ARHGAP20: variants seen among roughly 807,000 people sequenced by gnomAD.
The protein encoded by ARHGAP20 is rho GTPase-activating protein 20.
Under a neutral mutation model 73.7 loss-of-function variants are expected in ARHGAP20, and 34 were observed. The observed-to-expected ratio is 0.46, with a 90% CI of 0.35 to 0.61. The LOEUF is 0.61. Among genes scored for constraint, ARHGAP20 ranks in the 20% least tolerant of loss-of-function variants. The probability of loss-of-function intolerance (pLI) is 0.00; values close to 1 mark genes in which losing one functional copy is unlikely to be tolerated. For synonymous variants in ARHGAP20, 523 were observed against 518.2 expected, an observed-to-expected ratio of 1.01 and a Z score of -0.13; for missense variants, 1,314 against 1,420.9, an observed-to-expected ratio of 0.92 and a Z score of 1.21.
intron 1 of ARHGAP20, among the ~76,000 whole-genome samples, chr11:110,706,560 T>C (rs746940512): frequency 6.6e-6 from 1 of 152,186 alleles, no homozygotes; most frequent in African/African-American, 2.4e-5. Flanking sequence ...TGATGTTACA[T>C]TTTTTAAACT....
intron 2 of ARHGAP20, among the ~76,000 whole-genome samples, chr11:110,660,069 A>AAAAAAAAAAAC (rs1555097624): frequency 2.1e-4 from 31 of 146,972 alleles, no homozygotes; most frequent in African/African-American, 7.1e-4. Context: ...AACAAAAAAA[A>AAAAAAAAAAAC]AAAAAAAAAG....
At chr11:110,647,432 G>C (rs1376764244) in intron 2 of ARHGAP20, among the ~76,000 whole-genome samples, 2 of 152,016 alleles carry the variant, frequency 1.3e-5, no homozygotes, top group Non-Finnish European at 2.9e-5. Context: ...AGATAGGACA[G>C]ACAAGGGTTT....
At position 110,583,599 on chromosome 11, in the gene ARHGAP20, A is replaced by C; in HGVS notation, c.1554T>G (p.Leu518=). ...NLAVCVAPSI[L]WPPASSSPEL... ...CTGGGCTGGAGGAAGCAGGAGGCCA[A>C]AGAATACTTGGAGCGACACACACAG... Residue 518 remains leucine, a synonymous_variant, in exon 13 of 15, where the codon CTT becomes CTG. Transcript: ENST00000683387. The C allele has an allele frequency of 6.2e-7, 1 of 1,612,336 alleles. No homozygotes were observed. Among genetic ancestry groups the C allele is most frequent in the Non-Finnish European group, 8.5e-7 (1 of 1,178,886 alleles).
chr11:110,638,850 C>T (rs1949022327), intron 2 of ARHGAP20, among the ~76,000 whole-genome samples: 3 of 150,394 alleles, frequency 2.0e-5, no homozygotes, highest in South Asian at 4.3e-4. Context: ...GGGACTGTTG[C>T]GGGGTGGGAG....
At chr11:110,711,928 G>A in intron 1 of ARHGAP20, 199 bp downstream of exon 1, 9 of 1,254,646 alleles carry the variant, frequency 7.2e-6, no homozygotes, top group Non-Finnish European at 9.0e-6. Context: ...AGAAGCGGGC[G>A]CTCTGCGGGA....
Position 110,579,673 on chromosome 11 carries a change from T to C in ARHGAP20, c.3273A>G (p.Lys1091=). The change falls in exon 15 of 15, where the codon AAA becomes AAG. Residue 1091 remains lysine (K), a synonymous_variant. Coordinates refer to ENST00000683387, the MANE Select transcript of ARHGAP20 (RefSeq NM_001384657.1). Reference sequence around the variant, plus strand: ...CTTCAGCTGCCCTTAAGGGCAAGTCTTTTTGTTCCTCTTGCAGTGAGTTGG... The same window carrying C: ...CTTCAGCTGCCCTTAAGGGCAAGTCCTTTTGTTCCTCTTGCAGTGAGTTGG... ...PEANSLQEEQ[K]DLPLRAAEGL... The C allele has an allele frequency of 1.2e-6, 2 of 1,614,232 alleles. No individual in the cohort carries two copies. Among genetic ancestry groups the C allele is most frequent in the Non-Finnish European group, 1.7e-6 (2 of 1,180,042 alleles).
At chr11:110,643,373 G>C (rs117663766) in intron 2 of ARHGAP20, among the ~76,000 whole-genome samples, 3,036 of 151,980 alleles carry the variant, frequency 0.02, 35 homozygotes, top group Non-Finnish European at 0.025. Flanking sequence ...TTGTTAATTT[G>C]AGCTCTTCCT....
intron 2 of ARHGAP20, among the ~76,000 whole-genome samples, chr11:110,645,867 C>T (rs1949180690): frequency 6.6e-6 from 1 of 152,110 alleles, no homozygotes; most frequent in Non-Finnish European, 1.5e-5. Flanking sequence ...AACACAGAAA[C>T]TGAAAACCAA....
At chr11:110,708,326 A>C (rs1950586227) in intron 1 of ARHGAP20, among the ~76,000 whole-genome samples, 1 of 152,180 alleles carries the variant, frequency 6.6e-6, no homozygotes, top group African/African-American at 2.4e-5. Context: ...CTTCGGAAAA[A>C]ACAATGGACA....
At chr11:110,653,807 A>G (rs1949409907) in intron 2 of ARHGAP20, among the ~76,000 whole-genome samples, 1 of 152,200 alleles carries the variant, frequency 6.6e-6, no homozygotes, top group South Asian at 2.1e-4. Flanking sequence ...AAAGACATGG[A>G]ATCAACTCAA....
intron 1 of ARHGAP20, among the ~76,000 whole-genome samples, chr11:110,695,567 G>A (rs2135128036): frequency 6.6e-6 from 1 of 151,662 alleles, no homozygotes; most frequent in South Asian, 2.1e-4. Flanking sequence ...TGCCAATAAG[G>A]ATATGAGAAA....
intron 1 of ARHGAP20, among the ~76,000 whole-genome samples, chr11:110,695,555 A>C (rs1204812099): frequency 6.6e-6 from 1 of 151,722 alleles, no homozygotes; most frequent in African/African-American, 2.4e-5. Flanking sequence ...AGATATACGA[A>C]TTGCCAATAA....
At chr11:110,655,713 T>A (rs938265161) in intron 2 of ARHGAP20, among the ~76,000 whole-genome samples, 18 of 152,154 alleles carry the variant, frequency 1.2e-4, no homozygotes, top group South Asian at 2.1e-4. Context: ...TATCTATCTC[T>A]GATCTCTCAC....
At chr11:110,654,192 T>C (rs904718577) in intron 2 of ARHGAP20, among the ~76,000 whole-genome samples, 17 of 152,074 alleles carry the variant, frequency 1.1e-4, no homozygotes, top group Non-Finnish European at 1.9e-4. Flanking sequence ...GCACATGTAC[T>C]CTGGAACTTA....
At chr11:110,687,087 G>GACACACACAC (rs71057024) in intron 2 of ARHGAP20, among the ~76,000 whole-genome samples, 7,410 of 135,870 alleles carry the variant, frequency 0.055, 254 homozygotes, top group Middle Eastern at 0.081. Context: ...CATATATATA[G>GACACACACAC]ACACACACAC....
intron 14 of ARHGAP20, 115 bp downstream of exon 14, chr11:110,582,206 C>T: frequency 1.2e-6 from 1 of 849,542 alleles, no homozygotes; most frequent in South Asian, 1.4e-5. Context: ...TGACCTGGAT[C>T]AGAGGCTCCT....
At chr11:110,581,253 C>T in intron 14 of ARHGAP20, 28 bp from the exon 15 acceptor site, 1 of 1,577,046 alleles carries the variant, frequency 6.3e-7, no homozygotes, top group South Asian at 1.2e-5. Context: ...CCATGATTAA[C>T]ATATTTACTT....
intron 1 of ARHGAP20, among the ~76,000 whole-genome samples, chr11:110,708,580 C>T (rs1327168513): frequency 6.6e-6 from 1 of 152,036 alleles, no homozygotes; most frequent in Non-Finnish European, 1.5e-5. Context: ...ACACGCAAAA[C>T]CATGGATAAA....
rs34417210 is a variant in ARHGAP20, at chr11:110,580,997, T to A, written c.1949A>T (p.Gln650Leu). 6 of 1,614,098 alleles carry A rather than the reference T, an allele frequency of 3.7e-6. No individual in the cohort carries two copies. In the African/African-American group the frequency reaches 8.0e-5, roughly 22 times the overall value. Reference sequence around the variant, plus strand: ...CTTGGATTCAAGAGGCCGTTTCATTTGAACATCTTCATCTTTAGAATGGGC... The same window carrying A: ...CTTGGATTCAAGAGGCCGTTTCATTAGAACATCTTCATCTTTAGAATGGGC... ...DLAHSKDEDV[Q>L]MKRPLESKPV... The change falls in exon 15 of 15, where the codon CAA becomes CTA. Residue 650 changes from glutamine (Q) to leucine (L), a missense_variant. Around this residue, in one of 3 missense-constraint regions of ARHGAP20, gnomAD observed 230 missense variants for 317.6 expected, o/e 0.72. Coordinates refer to ENST00000683387, the MANE Select transcript of ARHGAP20 (RefSeq NM_001384657.1).
Sources: gnomAD v4.1 joint callset for allele counts (sites outside exome capture counted in the v4.1 genomes callset) on GRCh38, gnomAD v4.1.1 for gene constraint, gnomAD v4.1.1 regional missense constraint, MANE v1.5 for transcripts, NCBI Gene and HGNC (gene_info 2026-07-23, HGNC 2026-07-21) for gene names.